The following PCDHA11 variants were observed in gnomAD, a reference collection of about 807,000 sequenced individuals.
PCDHA11 encodes the protein protocadherin alpha 11, also known as protocadherin alpha-11.
In PCDHA11, 61 loss-of-function variants were observed where a neutral mutation model predicts 70.3. The observed-to-expected ratio is 0.87, with a 90% CI of 0.71 to 1.07. The LOEUF (loss-of-function observed/expected upper bound fraction) is 1.07, where lower values mean the gene tolerates loss of function less well. Among genes scored for constraint, PCDHA11 ranks in the 50% least tolerant of loss-of-function variants. The pLI, the probability that PCDHA11 is intolerant of heterozygous loss-of-function variation, is 0.00. For missense variants in PCDHA11, 1,324 were observed against 1,237.5 expected (o/e 1.07, Z -1.05); for synonymous variants, 633 against 555.1 (o/e 1.14, Z -1.97).
At chr5:140,876,334 A>G (rs782377581) in intron 1 of PCDHA11, 3 of 1,613,912 alleles carry the variant, frequency 1.9e-6, no homozygotes, top group African/African-American at 1.3e-5. Flanking sequence ...TTTGCCAGTG[A>G]GTGAGAAATG....
chr5:140,917,336 G>C (rs1183036523), intron 1 of PCDHA11, among the ~76,000 whole-genome samples: 1 of 144,856 alleles, frequency 6.9e-6, no homozygotes, highest in Non-Finnish European at 1.5e-5. Context: ...GGGGAGGGGG[G>C]GGATGGTGTA....
intron 1 of PCDHA11, among the ~76,000 whole-genome samples, chr5:140,941,215 C>CTTTCTTTCTTTCTTTCTT (rs2092888517): frequency 9.6e-6 from 1 of 104,510 alleles, no homozygotes; most frequent in East Asian, 2.4e-4. Flanking sequence ...TTCTTTCTTC[C>CTTTCTTTCTTTCTTTCTT]TTTCTTTCTT....
chr5:140,986,355 T>C (rs1381730343), intron 3 of PCDHA11, among the ~76,000 whole-genome samples: 3 of 152,154 alleles, frequency 2.0e-5, no homozygotes, highest in African/African-American at 7.2e-5. Context: ...CTTCTTCAGA[T>C]GGAGGAATGC....
chr5:140,967,485 C>A lies in PCDHA11; in HGVS notation c.2392-11464C>A, dbSNP rs781948599. 3.7e-6 allele frequency: 6 copies of A among 1,613,056 alleles called. No homozygotes were observed. In the South Asian group the frequency reaches 6.6e-5, roughly 18 times the overall value. On this transcript the variant is annotated intron_variant, in intron 1 of 3. Coordinates refer to ENST00000398640, the MANE Select transcript of PCDHA11 (RefSeq NM_018902.5). ...GGGGGCATCCCAGCCCGCTCGGGTA[C>A]GGCACAGATCTCTGTGCGTGTCCTG...
chr5:140,971,040 A>G (rs1554232989), intron 1 of PCDHA11, among the ~76,000 whole-genome samples: 2 of 152,194 alleles, frequency 1.3e-5, no homozygotes, highest in Non-Finnish European at 2.9e-5. Flanking sequence ...AAGCACGTAA[A>G]AGGGTTTAGC....
chr5:140,918,153 C>A (rs1554198452), intron 1 of PCDHA11, among the ~76,000 whole-genome samples: 2 of 152,036 alleles, frequency 1.3e-5, no homozygotes, highest in African/African-American at 2.4e-5. Flanking sequence ...TTGTGTATGT[C>A]TATTGTAAAT....
intron 1 of PCDHA11, chr5:140,927,371 G>GCTACAGCCTAAGCC: frequency 6.2e-7 from 1 of 1,614,080 alleles, no homozygotes; most frequent in Non-Finnish European, 8.5e-7. Context: ...GGGATACTAA[G>GCTACAGCCTAAGCC]CTACAGCCTA....
intron 1 of PCDHA11, among the ~76,000 whole-genome samples, chr5:140,879,347 T>A (rs530902728): frequency 3.3e-5 from 5 of 152,206 alleles, no homozygotes; most frequent in Admixed American, 2.0e-4. Context: ...GCTGAGAAGA[T>A]GACATTGCCA....
chr5:140,876,827 C>A, intron 1 of PCDHA11: 3 of 1,614,182 alleles, frequency 1.9e-6, no homozygotes, highest in South Asian at 1.1e-5. Context: ...AACGACAATG[C>A]GCCTGCGTTC....
intron 1 of PCDHA11, among the ~76,000 whole-genome samples, chr5:140,932,569 C>T (rs58622542): frequency 0.013 from 2,018 of 151,826 alleles, 38 homozygotes; most frequent in African/African-American, 0.046. Flanking sequence ...GTAGACTTTC[C>T]CATAGGGTAA....
Position 140,884,687 on chromosome 5 carries a change from T to C in PCDHA11, c.2391+13193T>C, listed in dbSNP as rs782253030. The C allele has an allele frequency of 4.6e-6, 7 of 1,538,230 alleles. No homozygotes were observed. In the South Asian group the frequency reaches 8.8e-5, roughly 19 times the overall value. On this transcript the variant is annotated intron_variant, in intron 1 of 3. Coordinates refer to ENST00000398640, the MANE Select transcript of PCDHA11 (RefSeq NM_018902.5). ...GGTAAGCTTATATTTTAAAAAATTGTCTTAGTAAACACTTTAGCCTTCCTT... is the reference window on the plus strand; with the variant it reads ...GGTAAGCTTATATTTTAAAAAATTGCCTTAGTAAACACTTTAGCCTTCCTT...
At chr5:141,006,634 A>G (rs1324728437) in intron 3 of PCDHA11, among the ~76,000 whole-genome samples, 4 of 152,220 alleles carry the variant, frequency 2.6e-5, no homozygotes, top group Non-Finnish European at 5.9e-5. Flanking sequence ...GCTGCAATTC[A>G]TATAAGAGAT....
chr5:140,997,077 G>T (rs1201538953), intron 3 of PCDHA11, among the ~76,000 whole-genome samples: 3 of 152,062 alleles, frequency 2.0e-5, no homozygotes, highest in Admixed American at 2.0e-4. Flanking sequence ...CAGGAAAGTT[G>T]AGTAGAAAGT....
chr5:140,958,454 T>G (rs2095424871), intron 1 of PCDHA11, among the ~76,000 whole-genome samples: 1 of 152,168 alleles, frequency 6.6e-6, no homozygotes, highest in African/African-American at 2.4e-5. Flanking sequence ...CCTTTTATTC[T>G]TCAACTTCTG....
chr5:140,874,039 GTGA>G (rs1372721490), intron 1 of PCDHA11, among the ~76,000 whole-genome samples: 1 of 152,152 alleles, frequency 6.6e-6, no homozygotes, highest in African/African-American at 2.4e-5. Context: ...AAGAAACTTG[GTGA>G]TGATATTAGA....
intron 1 of PCDHA11, among the ~76,000 whole-genome samples, chr5:140,922,177 A>C (rs1194396252): frequency 2.9e-5 from 2 of 69,034 alleles, no homozygotes; most frequent in African/African-American, 9.2e-5. Context: ...TACAGCAGAC[A>C]AAAAAAAAGT....
At chr5:141,009,529 T>G in intron 3 of PCDHA11, 98 bp from the exon 4 acceptor site, 1 of 1,505,630 alleles carries the variant, frequency 6.6e-7, no homozygotes, top group Non-Finnish European at 8.9e-7. Context: ...TCTGGGGAGG[T>G]TCAGCCTGCC....
chr5:140,903,290 G>A (rs1554190896), intron 1 of PCDHA11, among the ~76,000 whole-genome samples: 3 of 152,016 alleles, frequency 2.0e-5, no homozygotes, highest in African/African-American at 7.3e-5. Flanking sequence ...TTGTGCATTA[G>A]GAAATTTAGT....
In PCDHA11 at chr5:140,949,530, A is replaced by G. The variant is rs535959568; in HGVS notation, c.2392-29419A>G. Among the ~76,000 whole-genome samples, 8 of 151,972 alleles carry G rather than the reference A, an allele frequency of 5.3e-5. No homozygotes were observed. The South Asian group carries it at 1.7e-3, about 31-fold the overall frequency. On this transcript the variant is annotated intron_variant, in intron 1 of 3. Coordinates refer to ENST00000398640, the MANE Select transcript of PCDHA11 (RefSeq NM_018902.5). ...GATTTATTGATCCTTTTATCTTCATAAAATATCGATTTGTTGCTGGTCATA... is the reference window on the plus strand; with the variant it reads ...GATTTATTGATCCTTTTATCTTCATGAAATATCGATTTGTTGCTGGTCATA...
Sources: allele counts gnomAD v4.1 joint callset (sites outside exome capture counted in the v4.1 genomes callset), GRCh38; gene constraint gnomAD v4.1.1; transcripts MANE v1.5; gene names NCBI Gene and HGNC (gene_info 2026-07-23, HGNC 2026-07-21).